Variants in OLA1 observed in about 807,000 individuals in gnomAD.
OLA1 encodes the protein obg-like ATPase 1.
Under a neutral mutation model 48.4 loss-of-function variants are expected in OLA1, and 14 were observed. The ratio of observed to expected loss-of-function variants is 0.29; its 90% CI spans 0.19 to 0.45. The LOEUF (loss-of-function observed/expected upper bound fraction) is 0.45, where lower values mean the gene tolerates loss of function less well. Among genes scored for constraint, OLA1 ranks in the 20% least tolerant of loss-of-function variants. The pLI is 1.00. For missense variants in OLA1, 325 were observed against 467.1 expected, an observed-to-expected ratio of 0.70 and a Z score of 2.80; for synonymous variants, 127 against 150.4, an observed-to-expected ratio of 0.84 and a Z score of 1.14.
chr2:174,217,449 A>G (rs1688387491), intron 4 of OLA1, among the ~76,000 whole-genome samples: 1 of 134,912 alleles, frequency 7.4e-6, no homozygotes, highest in Admixed American at 7.1e-5. Flanking sequence ...CAACGCTTAC[A>G]GTGCTGAAAC....
rs76471043 is a variant in OLA1, at chr2:174,114,341, C to CAAAA, written c.728+8835_728+8838dup. 7.1e-3 allele frequency among the ~76,000 whole-genome samples: 428 copies of CAAAA among 60,618 alleles called. 43 individuals are homozygous for CAAAA. The East Asian group carries it at 0.085, about 12-fold the overall frequency. 39.8% of individuals were successfully genotyped at this position (60,618 alleles called of 152,430 possible). ...TGGGCGACAGAGCAAGACTCCGCCTCAAAAAAAAAAAAAAAAAAAAAAAAA... is the reference window on the plus strand; with the variant it reads ...TGGGCGACAGAGCAAGACTCCGCCTCAAAAAAAAAAAAAAAAAAAAAAAAAAAAA... On this transcript the variant is annotated intron_variant, in intron 7 of 10. Coordinates refer to ENST00000284719, the MANE Select transcript of OLA1 (RefSeq NM_013341.5).
intron 4 of OLA1, among the ~76,000 whole-genome samples, chr2:174,196,160 A>C (rs1040348974): frequency 8.5e-5 from 13 of 152,126 alleles, no homozygotes; most frequent in African/African-American, 3.1e-4. Flanking sequence ...TTAAGTTTTA[A>C]TCAGTTATAT....
At chr2:174,184,347 C>T (rs369856735) in intron 4 of OLA1, among the ~76,000 whole-genome samples, 8 of 152,090 alleles carry the variant, frequency 5.3e-5, no homozygotes, top group Non-Finnish European at 8.8e-5. Flanking sequence ...GTATACTTTA[C>T]CTCTATAATA....
At chr2:174,215,028 C>T (rs145495932) in intron 4 of OLA1, among the ~76,000 whole-genome samples, 20,321 of 148,332 alleles carry the variant, frequency 0.14, 1,796 homozygotes, top group Non-Finnish European at 0.2. Flanking sequence ...CCAGCCTGGG[C>T]GACAGAGTGA....
At position 174,223,073 on chromosome 2, in the gene OLA1, T is replaced by TA. The variant is rs2105450675; in HGVS notation, c.332dup (p.Leu111PhefsTer5). On this transcript the variant is annotated frameshift_variant, in exon 4 of 11. Coordinates refer to ENST00000284719, the MANE Select transcript of OLA1 (RefSeq NM_013341.5). LOFTEE classifies it high-confidence loss of function. ...TGCCATCACAGGCACTAATATGAGA[T>TA]AAAAAAGCATTCCCCAGGCCCTGCC... is the stretch of plus-strand genomic sequence containing the variant. The TA allele has an allele frequency of 6.2e-7, 1 of 1,613,734 alleles. No individual in the cohort carries two copies. Among genetic ancestry groups the TA allele is most frequent in the East Asian group, 2.2e-5 (1 of 44,854 alleles).
intron 6 of OLA1, 76 bp from the exon 7 acceptor site, chr2:174,123,353 G>T: frequency 1.4e-6 from 1 of 689,956 alleles, no homozygotes. Flanking sequence ...GAATTTGAAA[G>T]TAAACATTCC....
chr2:174,085,795 T>C (rs543040971), intron 7 of OLA1, among the ~76,000 whole-genome samples: 11 of 152,374 alleles, frequency 7.2e-5, no homozygotes, highest in African/African-American at 2.6e-4. Context: ...CTTCCAAATC[T>C]ACTTGCTTTA....
intron 7 of OLA1, among the ~76,000 whole-genome samples, chr2:174,112,997 A>G (rs1009376006): frequency 6.6e-6 from 1 of 152,002 alleles, no homozygotes; most frequent in African/African-American, 2.4e-5. Flanking sequence ...CTGGAGTGCA[A>G]TGGCATGATC....
At chr2:174,182,468 G>C (rs373776390) in intron 4 of OLA1, among the ~76,000 whole-genome samples, 12 of 152,164 alleles carry the variant, frequency 7.9e-5, no homozygotes, top group African/African-American at 2.9e-4. Flanking sequence ...GTAGGTTGTG[G>C]TGAGCCGAGA....
chr2:174,099,432 G>A (rs1003469625), intron 7 of OLA1, among the ~76,000 whole-genome samples: 6 of 152,200 alleles, frequency 3.9e-5, no homozygotes, highest in African/African-American at 1.2e-4. Flanking sequence ...GGGGTTACAG[G>A]CGTGAGCCAC....
At chr2:174,146,529 G>A (rs1686604799) in intron 4 of OLA1, among the ~76,000 whole-genome samples, 1 of 152,148 alleles carries the variant, frequency 6.6e-6, no homozygotes, top group South Asian at 2.1e-4. Context: ...ATATAAAATT[G>A]ACAGTTATCA....
intron 4 of OLA1, among the ~76,000 whole-genome samples, chr2:174,201,139 G>A (rs1043151736): frequency 6.6e-6 from 1 of 152,146 alleles, no homozygotes; most frequent in Admixed American, 6.5e-5. Flanking sequence ...AAGAGAATGC[G>A]AAGATTTTCT....
intron 10 of OLA1, among the ~76,000 whole-genome samples, chr2:174,077,715 A>G (rs1346179134): frequency 2.6e-5 from 4 of 152,046 alleles, no homozygotes; most frequent in Non-Finnish European, 4.4e-5. Flanking sequence ...ACATAGATCT[A>G]CTAAGGATTG....
chr2:174,121,653 C>T (rs772792205), intron 7 of OLA1, among the ~76,000 whole-genome samples: 1 of 152,032 alleles, frequency 6.6e-6, no homozygotes, highest in Non-Finnish European at 1.5e-5. Context: ...GCTATTTAGA[C>T]AAGGGTTTAC....
intron 4 of OLA1, among the ~76,000 whole-genome samples, chr2:174,206,681 AAT>A (rs1201098420): frequency 6.6e-6 from 1 of 152,194 alleles, no homozygotes; most frequent in Non-Finnish European, 1.5e-5. Context: ...AGCTTGATAC[AAT>A]ATTACAATGC....
At chr2:174,174,269 G>C (rs1253335545) in intron 4 of OLA1, among the ~76,000 whole-genome samples, 3 of 129,394 alleles carry the variant, frequency 2.3e-5, no homozygotes, top group Non-Finnish European at 4.9e-5. Flanking sequence ...TAATACAGAT[G>C]TAAAAATCCT....
chr2:174,169,649 C>A (rs769671844), intron 4 of OLA1, among the ~76,000 whole-genome samples: 2 of 152,076 alleles, frequency 1.3e-5, no homozygotes, highest in Non-Finnish European at 2.9e-5. Context: ...AACAGCCCTG[C>A]GCTATAATTA....
At chr2:174,111,410 T>C (rs1323824711) in intron 7 of OLA1, among the ~76,000 whole-genome samples, 1 of 152,214 alleles carries the variant, frequency 6.6e-6, no homozygotes. Context: ...CTAGATTTCT[T>C]ACTTCACTTC....
intron 5 of OLA1, among the ~76,000 whole-genome samples, chr2:174,125,344 G>A (rs1252422948): frequency 2.6e-5 from 4 of 152,186 alleles, no homozygotes; most frequent in African/African-American, 7.2e-5. Flanking sequence ...AATCTAGGGG[G>A]AGAGAGTCCT....
Sources: gnomAD v4.1 joint callset for allele counts (sites outside exome capture counted in the v4.1 genomes callset) on GRCh38, gnomAD v4.1.1 for gene constraint, MANE v1.5 for transcripts, NCBI Gene and HGNC (gene_info 2026-07-23, HGNC 2026-07-21) for gene names.